The following NXN variants were observed in gnomAD, a reference collection of about 807,000 sequenced individuals.
The protein encoded by NXN is nucleoredoxin 1.
In NXN, 16 loss-of-function variants were observed where a neutral mutation model predicts 48.6. That is an observed-to-expected ratio of 0.33 (90% CI 0.22 to 0.50). The LOEUF is 0.50. NXN is among the 20% of genes least tolerant of loss of function. The probability of loss-of-function intolerance (pLI) is 0.98; values close to 1 mark genes in which losing one functional copy is unlikely to be tolerated. For missense variants in NXN, 492 were observed against 605.5 expected (o/e 0.81, Z 1.97); for synonymous variants, 281 against 269.6 (o/e 1.04, Z -0.41).
chr17:844,187 C>T (rs2067833654), intron 1 of NXN, among the ~76,000 whole-genome samples: 1 of 149,492 alleles, frequency 6.7e-6, no homozygotes, highest in Admixed American at 6.7e-5. Context: ...AAGGTGGAGA[C>T]CAGGCCATCC....
intron 1 of NXN, among the ~76,000 whole-genome samples, chr17:962,823 T>C (rs2069252783): frequency 6.6e-6 from 1 of 152,126 alleles, no homozygotes; most frequent in Non-Finnish European, 1.5e-5. Flanking sequence ...TCTCAGCTTA[T>C]CCAAACGGCA....
intron 1 of NXN, among the ~76,000 whole-genome samples, chr17:914,558 C>T (rs182809880): frequency 1.4e-4 from 20 of 148,126 alleles, no homozygotes; most frequent in Admixed American, 2.7e-4. Context: ...TAATTGGTAG[C>T]GCAAGCAAGG....
At chr17:928,822 T>C (rs757524320) in intron 1 of NXN, among the ~76,000 whole-genome samples, 7 of 151,162 alleles carry the variant, frequency 4.6e-5, no homozygotes, top group Non-Finnish European at 8.8e-5. Context: ...GGTGACAGAG[T>C]GAGACTCTGT....
Position 979,592 on chromosome 17 carries a change from G to T in NXN, c.87C>A (p.Arg29=), listed in dbSNP as rs747446946. The part of the protein sequence containing the change: ...EEVDVHSLGA[R]GISLLGLYFG... ...AGTAGAGACCCAGCAGCGAGATGCC[G>T]CGGGCGCCCAGCGAGTGCACGTCCA... The change falls in exon 1 of 8, where the codon CGC becomes CGA. Residue 29 remains arginine (R), a synonymous_variant. Coordinates refer to ENST00000336868, the MANE Select transcript of NXN (RefSeq NM_022463.5). The T allele has an allele frequency of 2.1e-6, 3 of 1,444,534 alleles. No individual in the cohort carries two copies. Among genetic ancestry groups the T allele is most frequent in the Admixed American group, 4.8e-5 (2 of 42,094 alleles). 89.5% of individuals were successfully genotyped at this position (1,444,534 alleles called of 1,614,324 possible).
At chr17:915,027 C>G (rs1457466377) in intron 1 of NXN, among the ~76,000 whole-genome samples, 1 of 151,668 alleles carries the variant, frequency 6.6e-6, no homozygotes, top group Non-Finnish European at 1.5e-5. Context: ...TTCTGCCTCC[C>G]AGGTTCAAGA....
At chr17:912,073 G>A (rs577961466) in intron 1 of NXN, among the ~76,000 whole-genome samples, 2 of 152,006 alleles carry the variant, frequency 1.3e-5, no homozygotes, top group South Asian at 2.1e-4. Flanking sequence ...AAGTAGCAGG[G>A]ATTACAGGCG....
intron 1 of NXN, among the ~76,000 whole-genome samples, chr17:927,634 G>A (rs1414531705): frequency 6.7e-6 from 1 of 150,316 alleles, no homozygotes; most frequent in African/African-American, 2.4e-5. Flanking sequence ...AGGAGGAGCA[G>A]AAGGAGGCGG....
At chr17:965,376 T>C (rs552983559) in intron 1 of NXN, among the ~76,000 whole-genome samples, 32 of 152,262 alleles carry the variant, frequency 2.1e-4, no homozygotes, top group African/African-American at 7.2e-4. Flanking sequence ...CACACACACT[T>C]AGGAAAAGAA....
chr17:935,297 C>T (rs2068896770), intron 1 of NXN, among the ~76,000 whole-genome samples: 1 of 152,030 alleles, frequency 6.6e-6, no homozygotes, highest in Non-Finnish European at 1.5e-5. Context: ...CCCGGCCTTG[C>T]TGTGCTCTTT....
At chr17:878,204 A>C (rs1489261591) in intron 1 of NXN, 1 of 151,614 alleles carries the variant, frequency 6.6e-6, no homozygotes, top group African/African-American at 2.4e-5. Flanking sequence ...TTAGTACACA[A>C]CCTCATCGGA....
chr17:852,585 T>C (rs1286642374), intron 1 of NXN, among the ~76,000 whole-genome samples: 2 of 152,018 alleles, frequency 1.3e-5, no homozygotes, highest in Non-Finnish European at 2.9e-5. Context: ...CGAGTTGGTG[T>C]TGGATTTGGA....
intron 1 of NXN, chr17:897,157 T>G: frequency 1.5e-6 from 1 of 656,712 alleles, no homozygotes; most frequent in Non-Finnish European, 2.0e-6. Flanking sequence ...TCCTGGCAGG[T>G]CCCAGGCAAG....
intron 1 of NXN, among the ~76,000 whole-genome samples, chr17:964,507 A>C (rs564485253): frequency 5.8e-4 from 89 of 152,360 alleles, no homozygotes; most frequent in African/African-American, 2.1e-3. Context: ...GAACATTTGT[A>C]AAAAGCTTAA....
chr17:889,176 A>C (rs1000104219), intron 1 of NXN, among the ~76,000 whole-genome samples: 1 of 152,178 alleles, frequency 6.6e-6, no homozygotes, highest in African/African-American at 2.4e-5. Flanking sequence ...AGGAGGATTA[A>C]GTGGGAAGAC....
intron 1 of NXN, among the ~76,000 whole-genome samples, chr17:884,937 C>T (rs2068326445): frequency 6.6e-6 from 1 of 152,154 alleles, no homozygotes; most frequent in South Asian, 2.1e-4. Flanking sequence ...AAACACTCAG[C>T]GGAGGACACA....
chr17:937,747 G>A (rs2068922845), intron 1 of NXN, among the ~76,000 whole-genome samples: 1 of 152,234 alleles, frequency 6.6e-6, no homozygotes, highest in Non-Finnish European at 1.5e-5. Context: ...CTGTCACGGG[G>A]ACGCCGGGAA....
At chr17:840,361 A>G (rs1418816757) in intron 1 of NXN, among the ~76,000 whole-genome samples, 1 of 151,220 alleles carries the variant, frequency 6.6e-6, no homozygotes, top group Non-Finnish European at 1.5e-5. Context: ...TTTTCTTGAG[A>G]CGGAGTCTCG....
chr17:865,477 G>C (rs2068086122), intron 1 of NXN, among the ~76,000 whole-genome samples: 2 of 149,702 alleles, frequency 1.3e-5, no homozygotes, highest in Non-Finnish European at 3.0e-5. Flanking sequence ...CATGACCTCA[G>C]GTGATCCGCC....
At chr17:821,914 A>C (rs1022960392) in intron 4 of NXN, among the ~76,000 whole-genome samples, 2 of 151,786 alleles carry the variant, frequency 1.3e-5, no homozygotes, top group Non-Finnish European at 2.9e-5. Context: ...CAAACAATCC[A>C]GGCCTGAATT....
Sources: allele counts gnomAD v4.1 joint callset (sites outside exome capture counted in the v4.1 genomes callset), GRCh38; gene constraint gnomAD v4.1.1; transcripts MANE v1.5; gene names NCBI Gene and HGNC (gene_info 2026-07-23, HGNC 2026-07-21).